SELENOO: variants seen among roughly 807,000 people sequenced by gnomAD.
SELENOO encodes the protein selenoprotein O.
In SELENOO, 74 loss-of-function variants were observed where a neutral mutation model predicts 58.7. That is an observed-to-expected ratio of 1.26 (90% confidence interval 1.04 to 1.53). The LOEUF (loss-of-function observed/expected upper bound fraction) is 1.53. Ranked by LOEUF, SELENOO falls within the 40% of genes most tolerant of loss-of-function variation. SELENOO has a pLI of 0.00. For missense variants in SELENOO, 1,149 were observed against 970.0 expected, an observed-to-expected ratio of 1.18 and a Z score of -2.45; for synonymous variants, 543 against 453.2, an observed-to-expected ratio of 1.20 and a Z score of -2.52.
Position 50,208,862 on chromosome 22 carries a change from C to A in SELENOO, c.939+146C>A, listed in dbSNP as rs574179174. On this transcript the variant is annotated intron_variant, in intron 3 of 8. Coordinates refer to ENST00000380903, the MANE Select transcript of SELENOO (RefSeq NM_031454.2). ...TGAGCTCCCGCTCCTGTCCGCAAACCCCATCATGTGTGCTCGGGCCCTGGG... is the reference window on the plus strand; with the variant it reads ...TGAGCTCCCGCTCCTGTCCGCAAACACCATCATGTGTGCTCGGGCCCTGGG... The A allele has an allele frequency of 1.2e-3, 887 of 758,762 alleles. 11 individuals carry two copies. In the African/African-American group the frequency reaches 0.013, roughly 11 times the overall value. 47.0% of individuals were successfully genotyped at this position (758,762 alleles called of 1,614,324 possible).
chr22:50,215,517 C>G (rs897260016), intron 5 of SELENOO, among the ~76,000 whole-genome samples, 200 bp from the exon 6 acceptor site: 5 of 150,110 alleles, frequency 3.3e-5, no homozygotes, highest in Non-Finnish European at 7.4e-5. Context: ...GGGTGTGGGT[C>G]TGTATGGCAC....
chr22:50,216,595 T>TA, intron 6 of SELENOO, 96 bp from the exon 7 acceptor site: 1 of 1,199,180 alleles, frequency 8.3e-7, no homozygotes, highest in Non-Finnish European at 1.2e-6. Flanking sequence ...GGACTCTAGG[T>TA]GAGCCGTGAG....
Position 50,210,255 on chromosome 22 carries a change from C to T in SELENOO, c.1014C>T (p.Asp338=). 6.2e-7 allele frequency: 1 copy of T among 1,613,518 alleles called. No individual in the cohort carries two copies. Among genetic ancestry groups the T allele is most frequent in the Non-Finnish European group, 8.5e-7 (1 of 1,179,974 alleles). The change falls in exon 4 of 9, where the codon GAC becomes GAT. Residue 338 remains aspartate (D), a synonymous_variant. Transcript: ENST00000380903. ...TCTGCCACGGCGTGCTCAACACCGA[C>T]AACATGAGCATCCTGGGGCTCACCA... ...VGFCHGVLNT[D]NMSILGLTID... is the part of the protein sequence containing the mutation.
At chr22:50,201,664 G>A in intron 1 of SELENOO, 74 bp downstream of exon 1, 1 of 1,100,476 alleles carries the variant, frequency 9.1e-7, no homozygotes, top group Non-Finnish European at 1.2e-6. Context: ...CCGGCGCGGT[G>A]TTGGGGGCGT....
chr22:50,212,364 TTA>T (rs1264056319), intron 5 of SELENOO, among the ~76,000 whole-genome samples: 1 of 152,220 alleles, frequency 6.6e-6, no homozygotes, highest in East Asian at 1.9e-4. Flanking sequence ...TTTTGGTAAT[TTA>T]TGTTTCCAGG....
chr22:50,210,320 C>A lies in SELENOO; in HGVS notation c.1070+9C>A. 6.2e-7 allele frequency: 1 copy of A among 1,612,504 alleles called. No individual in the cohort carries two copies. Among genetic ancestry groups the A allele is most frequent in the Non-Finnish European group, 8.5e-7 (1 of 1,179,730 alleles). ...TTTGGCTTCCTGGACAGGTAAGTGG[C>A]CCTGGGGCCCAGCAAAGTGCAGGCC... On this transcript the variant is annotated intron_variant, in intron 4 of 8. Coordinates refer to ENST00000380903, the MANE Select transcript of SELENOO (RefSeq NM_031454.2).
chr22:50,206,253 C>A (rs911293844), intron 1 of SELENOO, 64 bp from the exon 2 acceptor site: 19 of 1,447,478 alleles, frequency 1.3e-5, no homozygotes, highest in Non-Finnish European at 1.7e-5. Flanking sequence ...ATGTGCTGCC[C>A]GGAATCCTGG....
Position 50,216,824 on chromosome 22 carries a change from G to T in SELENOO, c.1636G>T (p.Glu546Ter). ...QSRLEQLSAA[E>*]LQSRNQGHWA... ...TCGGCTGGAGCAGCTGAGTGCGGCA[G>T]AGCTGCAGAGCAGGAACCAGGGCCA... The change falls in exon 7 of 9, where the codon GAG becomes TAG. Residue 546 changes from glutamate (E) to a stop codon, truncating the protein, a stop_gained. Transcript: ENST00000380903. LOFTEE classifies it high-confidence loss of function. 1 of 1,608,730 alleles carries T rather than the reference G, an allele frequency of 6.2e-7. No individual in the cohort carries two copies.
At chr22:50,213,814 AT>A (rs34653468) in intron 5 of SELENOO, among the ~76,000 whole-genome samples, 120,200 of 151,828 alleles carry the variant, frequency 0.79, 48,410 homozygotes, top group African/African-American at 0.94. Flanking sequence ...CGCCCGGGTA[AT>A]TTTTTTGTAT....
At chr22:50,202,550 G>A (rs2064309522) in intron 1 of SELENOO, among the ~76,000 whole-genome samples, 1 of 152,164 alleles carries the variant, frequency 6.6e-6, no homozygotes, top group South Asian at 2.1e-4. Context: ...CCTGGGGCCT[G>A]CTTGTCCTGT....
intron 1 of SELENOO, among the ~76,000 whole-genome samples, chr22:50,204,685 A>G (rs1322571665): frequency 1.3e-5 from 2 of 152,126 alleles, no homozygotes; most frequent in Non-Finnish European, 1.5e-5. Flanking sequence ...ACCCTTCTGC[A>G]CTGTTGGTGG....
chr22:50,216,367 C>G (rs770147591), intron 6 of SELENOO, among the ~76,000 whole-genome samples: 11 of 152,266 alleles, frequency 7.2e-5, no homozygotes, highest in Admixed American at 1.3e-4. Flanking sequence ...CTGGACCCTT[C>G]TGGAAATGAG....
intron 1 of SELENOO, among the ~76,000 whole-genome samples, chr22:50,202,371 C>G (rs2064308373): frequency 6.6e-6 from 1 of 152,072 alleles, no homozygotes; most frequent in Admixed American, 6.6e-5. Flanking sequence ...GCTCCTCAGA[C>G]TGAGGGTCTT....
chr22:50,202,984 A>G (rs975036430), intron 1 of SELENOO, among the ~76,000 whole-genome samples: 2 of 152,274 alleles, frequency 1.3e-5, no homozygotes, highest in Admixed American at 6.5e-5. Flanking sequence ...GGATAACTTA[A>G]TATTAGAAAG....
chr22:50,214,767 A>G (rs987333849), intron 5 of SELENOO, among the ~76,000 whole-genome samples: 1 of 152,244 alleles, frequency 6.6e-6, no homozygotes, highest in Non-Finnish European at 1.5e-5. Flanking sequence ...TCCGTCTCAA[A>G]AAATAGAAAA....
At chr22:50,211,384 G>A (rs1225879009) in intron 5 of SELENOO, among the ~76,000 whole-genome samples, 1 of 152,126 alleles carries the variant, frequency 6.6e-6, no homozygotes. Flanking sequence ...AGGATTGCTG[G>A]GTCGTGTGGG....
Position 50,210,320 on chromosome 22 carries a change from C to T in SELENOO, c.1070+9C>T. The T allele has an allele frequency of 1.9e-6, 3 of 1,612,504 alleles. No individual in the cohort carries two copies. The highest frequency in any genetic ancestry group is 2.5e-6 in the Non-Finnish European group (3 of 1,179,730). On this transcript the variant is annotated intron_variant, in intron 4 of 8. Transcript: ENST00000380903. The stretch of plus-strand genomic sequence containing the variant: ...TTTGGCTTCCTGGACAGGTAAGTGG[C>T]CCTGGGGCCCAGCAAAGTGCAGGCC...
chr22:50,211,328 A>G (rs1462225873), intron 5 of SELENOO, among the ~76,000 whole-genome samples: 1 of 152,148 alleles, frequency 6.6e-6, no homozygotes, highest in Non-Finnish European at 1.5e-5. Context: ...GCGAATGCAG[A>G]GATCTCTGAC....
At position 50,216,902 on chromosome 22, in the gene SELENOO, G is replaced by C. The variant is rs779745804; in HGVS notation, c.1688+26G>C. On this transcript the variant is annotated intron_variant, in intron 7 of 8. Coordinates refer to ENST00000380903, the MANE Select transcript of SELENOO (RefSeq NM_031454.2). ...GTGAGCCCTGCGTCCATGGTCACCG[G>C]GGGACGGCGGGTCGCGTGCTGGAAA... 5 of 1,602,792 alleles carry C rather than the reference G, an allele frequency of 3.1e-6. No homozygotes were observed. The African/African-American group carries it at 6.7e-5, about 21-fold the overall frequency.
Sources: allele counts gnomAD v4.1 joint callset (sites outside exome capture counted in the v4.1 genomes callset), GRCh38; gene constraint gnomAD v4.1.1; transcripts MANE v1.5; gene names NCBI Gene and HGNC (gene_info 2026-07-23, HGNC 2026-07-21).